PDZRN4: variants seen among roughly 807,000 people sequenced by gnomAD.
PDZRN4 encodes PDZ domain-containing RING finger protein 4.
In PDZRN4, 70 loss-of-function variants were observed where a neutral mutation model predicts 99.0. The ratio of observed to expected loss-of-function variants is 0.71; its 90% CI spans 0.58 to 0.86. The LOEUF (loss-of-function observed/expected upper bound fraction) is 0.86. PDZRN4 is among the 40% of genes least tolerant of loss of function. The pLI is 0.00. For missense variants in PDZRN4, 1,474 were observed against 1,331.2 expected, an observed-to-expected ratio of 1.11 and a Z score of -1.67; for synonymous variants, 551 against 501.6, an observed-to-expected ratio of 1.10 and a Z score of -1.32.
intron 3 of PDZRN4, among the ~76,000 whole-genome samples, chr12:41,248,228 T>TCTGTATGTA (rs1951146168): frequency 6.6e-6 from 1 of 152,214 alleles, no homozygotes; most frequent in South Asian, 2.1e-4. Context: ...CTGAGTACTT[T>TCTGTATGTA]TAGAGTCATA....
chr12:41,198,347 T>A (rs10879844), intron 3 of PDZRN4, among the ~76,000 whole-genome samples: 14,382 of 152,030 alleles, frequency 0.095, 790 homozygotes, highest in Non-Finnish European at 0.13. Context: ...CCCCTGCAGC[T>A]CCAGGCCAAT....
At chr12:41,435,396 A>G (rs1952619678) in intron 3 of PDZRN4, among the ~76,000 whole-genome samples, 1 of 152,228 alleles carries the variant, frequency 6.6e-6, no homozygotes, top group African/African-American at 2.4e-5. Flanking sequence ...ATCACACAAG[A>G]GAGTTTTATC....
At chr12:41,445,887 C>G (rs527900099) in intron 3 of PDZRN4, among the ~76,000 whole-genome samples, 24 of 152,038 alleles carry the variant, frequency 1.6e-4, no homozygotes, top group Admixed American at 1.5e-3. Flanking sequence ...ATAGATAATT[C>G]AAATGCAGCT....
chr12:41,453,373 C>T (rs533276589), intron 3 of PDZRN4, among the ~76,000 whole-genome samples: 2 of 152,312 alleles, frequency 1.3e-5, no homozygotes, highest in African/African-American at 4.8e-5. Context: ...CTTAAGGTTA[C>T]ATTGTCCTTC....
chr12:41,189,212 A>G (rs1950719341), intron 1 of PDZRN4, 109 bp downstream of exon 1: 2 of 1,020,538 alleles, frequency 2.0e-6, no homozygotes, highest in Non-Finnish European at 2.9e-6. Context: ...CTTCCTCACT[A>G]TGCAGCAGGA....
At position 41,502,826 on chromosome 12, in the gene PDZRN4, G is replaced by A. The variant is rs139262826; in HGVS notation, c.844-3630G>A. Among the ~76,000 whole-genome samples, 523 of 152,038 alleles carry A rather than the reference G, an allele frequency of 3.4e-3. 1 individual carries two copies. Among genetic ancestry groups the A allele is most frequent in the Non-Finnish European group, 5.7e-3 (387 of 67,936 alleles). ...GACAGAATATAGTGGTAAAGAAATAGAATAATAAGTAAGGATATGGCAATA... is the reference window on the plus strand; with the variant it reads ...GACAGAATATAGTGGTAAAGAAATAAAATAATAAGTAAGGATATGGCAATA... On this transcript the variant is annotated intron_variant, in intron 3 of 9. Transcript: ENST00000402685.
chr12:41,361,738 T>C (rs1378713030), intron 3 of PDZRN4, among the ~76,000 whole-genome samples: 2 of 151,984 alleles, frequency 1.3e-5, no homozygotes, highest in East Asian at 3.9e-4. Flanking sequence ...GCCCCTTGAT[T>C]TAGTACCTTT....
intron 3 of PDZRN4, among the ~76,000 whole-genome samples, chr12:41,296,148 GC>G (rs1348473317): frequency 6.6e-6 from 1 of 152,124 alleles, no homozygotes; most frequent in African/African-American, 2.4e-5. Flanking sequence ...CAAAATTGTT[GC>G]ACCCAGATCA....
chr12:41,205,673 C>G (rs1185123272), intron 3 of PDZRN4, among the ~76,000 whole-genome samples: 1 of 151,908 alleles, frequency 6.6e-6, no homozygotes, highest in Non-Finnish European at 1.5e-5. Flanking sequence ...AACTCTAATC[C>G]CACGTGATGC....
intron 3 of PDZRN4, chr12:41,477,858 T>C: frequency 6.5e-7 from 1 of 1,536,184 alleles, no homozygotes; most frequent in Non-Finnish European, 8.8e-7. Context: ...TTTCTTGCAT[T>C]TTTCAGGTAA....
chr12:41,313,210 C>T (rs557723211), intron 3 of PDZRN4, among the ~76,000 whole-genome samples: 62 of 152,270 alleles, frequency 4.1e-4, no homozygotes, highest in Non-Finnish European at 6.9e-4. Flanking sequence ...AATCTCTTTC[C>T]TCCTCATTCC....
chr12:41,249,928 T>A (rs1951157114), intron 3 of PDZRN4, among the ~76,000 whole-genome samples: 1 of 152,118 alleles, frequency 6.6e-6, no homozygotes. Flanking sequence ...CCCCATGAAG[T>A]TTTATGGGAA....
At chr12:41,459,613 T>C (rs1952850727) in intron 3 of PDZRN4, among the ~76,000 whole-genome samples, 1 of 152,240 alleles carries the variant, frequency 6.6e-6, no homozygotes. Flanking sequence ...GCTAAATAAA[T>C]GCAATGCTTT....
At chr12:41,381,106 C>G (rs1387592303) in intron 3 of PDZRN4, among the ~76,000 whole-genome samples, 2 of 152,164 alleles carry the variant, frequency 1.3e-5, no homozygotes, top group Admixed American at 1.3e-4. Context: ...AGGCTCCTTT[C>G]TATGTGATGT....
intron 3 of PDZRN4, among the ~76,000 whole-genome samples, chr12:41,236,422 C>G (rs565885581): frequency 6.6e-6 from 1 of 151,864 alleles, no homozygotes; most frequent in Non-Finnish European, 1.5e-5. Context: ...GAAGGTGAGG[C>G]GGGAGGCTCA....
At chr12:41,216,334 G>A (rs1950920626) in intron 3 of PDZRN4, among the ~76,000 whole-genome samples, 1 of 151,942 alleles carries the variant, frequency 6.6e-6, no homozygotes, top group African/African-American at 2.4e-5. Context: ...CAGGATAGAA[G>A]GTACTGGGGG....
intron 3 of PDZRN4, among the ~76,000 whole-genome samples, chr12:41,458,463 G>T (rs1952837232): frequency 6.6e-6 from 1 of 152,156 alleles, no homozygotes; most frequent in Admixed American, 6.6e-5. Flanking sequence ...AGCCGAGAGT[G>T]ACTTTTATAG....
At chr12:41,377,594 G>A (rs1952091587) in intron 3 of PDZRN4, among the ~76,000 whole-genome samples, 1 of 152,020 alleles carries the variant, frequency 6.6e-6, no homozygotes, top group South Asian at 2.1e-4. Flanking sequence ...AACCCAGGAG[G>A]CGGAGCTTGC....
intron 3 of PDZRN4, among the ~76,000 whole-genome samples, chr12:41,313,004 A>G (rs1951617069): frequency 6.6e-6 from 1 of 152,180 alleles, no homozygotes; most frequent in African/African-American, 2.4e-5. Context: ...CATAAGCAAC[A>G]TAAACTCAGG....
Sources: allele counts gnomAD v4.1 joint callset (sites outside exome capture counted in the v4.1 genomes callset), GRCh38; gene constraint gnomAD v4.1.1; transcripts MANE v1.5; gene names NCBI Gene and HGNC (gene_info 2026-07-23, HGNC 2026-07-21).